ADGRL3: variants seen among roughly 807,000 people sequenced by gnomAD.
The protein encoded by ADGRL3 is calcium-independent alpha-latrotoxin receptor 3.
In ADGRL3, 62 loss-of-function variants were observed where a neutral mutation model predicts 153.5. The ratio of observed to expected loss-of-function variants is 0.40; its 90% confidence interval spans 0.33 to 0.50. ADGRL3 has a LOEUF of 0.50. ADGRL3 is among the 20% of genes least tolerant of loss of function. The probability of loss-of-function intolerance (pLI) is 0.47; values close to 1 mark genes in which losing one functional copy is unlikely to be tolerated. For missense variants in ADGRL3, 1,641 were observed against 1,859.4 expected, an observed-to-expected ratio of 0.88 and a Z score of 2.16; for synonymous variants, 710 against 672.5, an observed-to-expected ratio of 1.06 and a Z score of -0.86.
chr4:61,466,519 T>A (rs1481419818), intron 2 of ADGRL3, among the ~76,000 whole-genome samples: 1 of 152,178 alleles, frequency 6.6e-6, no homozygotes, highest in African/African-American at 2.4e-5. Flanking sequence ...CATGAATGTA[T>A]TTTACATTTC....
intron 9 of ADGRL3, among the ~76,000 whole-genome samples, chr4:61,831,058 T>A (rs1301410100): frequency 6.6e-6 from 1 of 151,972 alleles, no homozygotes; most frequent in Non-Finnish European, 1.5e-5. Flanking sequence ...CCGGCTAATT[T>A]TTGTATTTCT....
At chr4:61,545,083 G>C (rs927307640) in intron 4 of ADGRL3, among the ~76,000 whole-genome samples, 1 of 152,184 alleles carries the variant, frequency 6.6e-6, no homozygotes, top group Non-Finnish European at 1.5e-5. Flanking sequence ...AAATCTAGAA[G>C]TAATCTTGGA....
chr4:61,821,703 C>T (rs1336152136), intron 9 of ADGRL3, among the ~76,000 whole-genome samples: 11 of 151,902 alleles, frequency 7.2e-5, no homozygotes, highest in African/African-American at 2.7e-4. Flanking sequence ...TTATTTTTAC[C>T]TTTTTTCCCT....
chr4:61,900,790 C>T (rs1019147662), intron 11 of ADGRL3, among the ~76,000 whole-genome samples: 2 of 152,114 alleles, frequency 1.3e-5, no homozygotes, highest in Non-Finnish European at 2.9e-5. Context: ...TACATATCTA[C>T]ATACATTGGA....
At chr4:61,906,266 A>G (rs1188292105) in intron 11 of ADGRL3, 1 of 152,116 alleles carries the variant, frequency 6.6e-6, no homozygotes, top group Non-Finnish European at 1.5e-5. Flanking sequence ...TCTTAACATT[A>G]TTGATCTCCT....
At chr4:61,908,129 A>C (rs906934141) in intron 11 of ADGRL3, among the ~76,000 whole-genome samples, 19 of 152,008 alleles carry the variant, frequency 1.2e-4, no homozygotes, top group Non-Finnish European at 1.5e-5. Context: ...AAAAAAAATT[A>C]GCCAGGCATA....
At position 61,584,154 on chromosome 4, in the gene ADGRL3, A is replaced by C. The variant is rs565995412; in HGVS notation, c.260-3073A>C. On this transcript the variant is annotated intron_variant, in intron 4 of 26. Coordinates refer to ENST00000683033, the MANE Select transcript of ADGRL3 (RefSeq NM_001387552.1). ...ATAATTAAAAGTAATTTAAATAGCT[A>C]ATTAGATAATGTTATAGAGTAATTT... Among the ~76,000 whole-genome samples, 164 of 152,164 alleles carry C rather than the reference A, an allele frequency of 1.1e-3. 4 individuals are homozygous for C. In the South Asian group the frequency reaches 0.032, roughly 29 times the overall value.
At chr4:61,857,987 G>A (rs2098297005) in intron 9 of ADGRL3, among the ~76,000 whole-genome samples, 2 of 152,176 alleles carry the variant, frequency 1.3e-5, no homozygotes, top group Non-Finnish European at 2.9e-5. Flanking sequence ...GAATCATTGG[G>A]AACTTGATCA....
chr4:61,485,544 C>T (rs886447928), intron 2 of ADGRL3, among the ~76,000 whole-genome samples: 2 of 152,082 alleles, frequency 1.3e-5, no homozygotes, highest in East Asian at 1.9e-4. Flanking sequence ...GTGACTGACC[C>T]TCATGATAAC....
intron 8 of ADGRL3, among the ~76,000 whole-genome samples, chr4:61,799,928 T>C (rs1189590376): frequency 6.6e-6 from 1 of 152,166 alleles, no homozygotes; most frequent in African/African-American, 2.4e-5. Context: ...TTGCTTTTTA[T>C]AGATGAAGAA....
chr4:61,845,356 T>C (rs1033182557), intron 9 of ADGRL3, among the ~76,000 whole-genome samples: 1 of 152,004 alleles, frequency 6.6e-6, no homozygotes, highest in African/African-American at 2.4e-5. Context: ...TGTTTTGTAA[T>C]TTTTATTTTT....
At chr4:61,972,445 T>A (rs1295919405) in intron 17 of ADGRL3, among the ~76,000 whole-genome samples, 2 of 152,142 alleles carry the variant, frequency 1.3e-5, no homozygotes, top group Non-Finnish European at 2.9e-5. Context: ...TTTTGTCAGG[T>A]TTGTCAGAGA....
At chr4:61,540,555 AAAG>A (rs1231363682) in intron 4 of ADGRL3, among the ~76,000 whole-genome samples, 2 of 152,132 alleles carry the variant, frequency 1.3e-5, no homozygotes, top group African/African-American at 4.8e-5. Context: ...CTCAACAAAA[AAAG>A]AAAAGAAAAG....
chr4:61,452,664 T>C (rs1399856743), intron 2 of ADGRL3, among the ~76,000 whole-genome samples: 2 of 152,198 alleles, frequency 1.3e-5, no homozygotes, highest in African/African-American at 4.8e-5. Context: ...ATCCTCTATT[T>C]TTCTCATTTT....
intron 4 of ADGRL3, among the ~76,000 whole-genome samples, chr4:61,547,012 A>G (rs976673206): frequency 1.2e-4 from 18 of 152,228 alleles, no homozygotes; most frequent in Admixed American, 2.6e-4. Context: ...ACAAGAGTTC[A>G]TCAAAACTCA....
At chr4:62,069,399 A>AG (rs1744675419) in intron 26 of ADGRL3, among the ~76,000 whole-genome samples, 1 of 152,146 alleles carries the variant, frequency 6.6e-6, no homozygotes, top group Non-Finnish European at 1.5e-5. Flanking sequence ...TGCTTATAGC[A>AG]GAAAAAAAAA....
chr4:61,817,589 A>G (rs570807473), intron 9 of ADGRL3, among the ~76,000 whole-genome samples: 2 of 152,284 alleles, frequency 1.3e-5, no homozygotes, highest in South Asian at 4.1e-4. Context: ...CTGTCCCTCA[A>G]TGAAGCTCCT....
At chr4:61,436,138 TA>T (rs1248149710) in intron 2 of ADGRL3, among the ~76,000 whole-genome samples, 1 of 152,164 alleles carries the variant, frequency 6.6e-6, no homozygotes, top group Non-Finnish European at 1.5e-5. Context: ...TTTTTGTGAA[TA>T]AACTATAGTC....
At chr4:61,238,424 G>A (rs1346198508) in intron 1 of ADGRL3, among the ~76,000 whole-genome samples, 2 of 150,212 alleles carry the variant, frequency 1.3e-5, no homozygotes, top group Non-Finnish European at 3.0e-5. Context: ...TTTTATTAAA[G>A]GGTAAATTCT....
Sources: allele counts gnomAD v4.1 joint callset (sites outside exome capture counted in the v4.1 genomes callset), GRCh38; gene constraint gnomAD v4.1.1; transcripts MANE v1.5; gene names NCBI Gene and HGNC (gene_info 2026-07-23, HGNC 2026-07-21).